The following ST3GAL1 variants were observed in gnomAD, a reference collection of about 807,000 sequenced individuals.
ST3GAL1 encodes the protein ST3 beta-galactoside alpha-2,3-sialyltransferase 1.
ST3GAL1 carries 16 observed loss-of-function variants against 34.1 expected under a neutral mutation model. The ratio of observed to expected loss-of-function variants is 0.47; its 90% CI spans 0.32 to 0.71. The LOEUF (loss-of-function observed/expected upper bound fraction) is 0.71, where lower values mean the gene tolerates loss of function less well. Ranked by LOEUF, ST3GAL1 falls within the 30% of genes least tolerant of loss-of-function variation. ST3GAL1 has a pLI of 0.04. For synonymous variants in ST3GAL1, 191 were observed against 184.7 expected, an observed-to-expected ratio of 1.03 and a Z score of -0.28; for missense variants, 353 against 447.4, an observed-to-expected ratio of 0.79 and a Z score of 1.90.
intron 2 of ST3GAL1, among the ~76,000 whole-genome samples, chr8:133,499,752 G>A (rs888237202): frequency 2.0e-5 from 3 of 152,104 alleles, no homozygotes; most frequent in African/African-American, 4.8e-5. Context: ...CAAGGAAACC[G>A]AAGCTCGGAG....
chr8:133,540,764 CAT>C (rs1181520968), intron 2 of ST3GAL1, among the ~76,000 whole-genome samples: 4 of 75,254 alleles, frequency 5.3e-5, no homozygotes, highest in Non-Finnish European at 9.2e-5. Flanking sequence ...TATATATAGA[CAT>C]ATATATATAG....
rs1815379570 is a variant in ST3GAL1 at position 133,458,445 on chromosome 8, C to G, written c.*1319G>C. On this transcript the variant is annotated 3_prime_UTR_variant, in exon 10 of 10. Transcript: ENST00000522652. Reference sequence around the variant, plus strand: ...CCAGTGACAGCCCCAAGATGGCCAGCAGGGACTTGACCCTGAGCTCAGGCC... The same window carrying G: ...CCAGTGACAGCCCCAAGATGGCCAGGAGGGACTTGACCCTGAGCTCAGGCC... 6.6e-6 allele frequency: 1 copy of G among 152,272 alleles called. No individual in the cohort carries two copies. Among genetic ancestry groups the G allele is most frequent in the Non-Finnish European group, 1.5e-5 (1 of 68,082 alleles). The allele number at this position is 152,272 out of a possible 1,614,324, so 9.4% of individuals were successfully genotyped here.
At chr8:133,539,622 T>A (rs1361427975) in intron 2 of ST3GAL1, 1 of 152,184 alleles carries the variant, frequency 6.6e-6, no homozygotes, top group Admixed American at 6.5e-5. Flanking sequence ...ATCGGCCAGT[T>A]ATGGTGGCTC....
intron 2 of ST3GAL1, among the ~76,000 whole-genome samples, chr8:133,542,452 A>G (rs189133925): frequency 3.3e-4 from 51 of 152,346 alleles, no homozygotes; most frequent in Non-Finnish European, 5.9e-4. Context: ...TATTGAATAA[A>G]GTTAAAATCT....
Position 133,463,270 on chromosome 8 carries a change from C to T in ST3GAL1, c.729+144G>A. The T allele has an allele frequency of 3.4e-6, 3 of 892,538 alleles. No individual in the cohort carries two copies. In the Admixed American group the frequency reaches 6.7e-5, roughly 20 times the overall value. 55.3% of individuals were successfully genotyped at this position (892,538 alleles called of 1,614,324 possible). ...CTCTCCCAGTGTTTGACCTCTTCCCCCAGGGGGATAGCTAAGTGGGAGATG... is the reference window on the plus strand; with the variant it reads ...CTCTCCCAGTGTTTGACCTCTTCCCTCAGGGGGATAGCTAAGTGGGAGATG... On this transcript the variant is annotated intron_variant, in intron 8 of 9. Coordinates refer to ENST00000522652, the MANE Select transcript of ST3GAL1 (RefSeq NM_173344.3).
chr8:133,459,626 T>A lies in ST3GAL1; in HGVS notation c.*138A>T. ...TGAGTAGATGCTGCCAACGGCTGGG[T>A]GCAAGAGGCTGTGAGCGGTGCCCAG... On this transcript the variant is annotated 3_prime_UTR_variant, in exon 10 of 10. Transcript: ENST00000522652. This position sits in a 1 kb window ranked among gnomAD's most constrained non-coding sequence, Gnocchi z 4.7. 1 of 1,118,090 alleles carries A rather than the reference T, an allele frequency of 8.9e-7. No individual in the cohort carries two copies. 69.3% of individuals were successfully genotyped at this position (1,118,090 alleles called of 1,614,324 possible).
Position 133,459,690 on chromosome 8 carries a change from A to G in ST3GAL1, c.*74T>C. ...GCTGCCCCTCCAAGCTCCGGGATGG[A>G]ACGGCTCCAGCAAGATGCTGGGGCT... On this transcript the variant is annotated 3_prime_UTR_variant, in exon 10 of 10. Transcript: ENST00000522652. This position sits in a 1 kb window ranked among gnomAD's most constrained non-coding sequence, Gnocchi z 4.7. 1 of 1,526,036 alleles carries G rather than the reference A, an allele frequency of 6.6e-7. No homozygotes were observed. Among genetic ancestry groups the G allele is most frequent in the Non-Finnish European group, 8.8e-7 (1 of 1,131,108 alleles). 94.5% of individuals were successfully genotyped at this position (1,526,036 alleles called of 1,614,324 possible). A position where few individuals can be genotyped will look rare whatever the true frequency, so the allele number is the denominator to read the frequency against.
intron 1 of ST3GAL1, among the ~76,000 whole-genome samples, chr8:133,547,565 CT>C (rs1194280401): frequency 1.3e-5 from 2 of 152,196 alleles, no homozygotes; most frequent in African/African-American, 2.4e-5. Flanking sequence ...AGGTAGCCCC[CT>C]GGAGGATAAT....
intron 1 of ST3GAL1, among the ~76,000 whole-genome samples, chr8:133,555,051 T>A (rs1397007839): frequency 6.6e-6 from 1 of 152,056 alleles, no homozygotes; most frequent in Non-Finnish European, 1.5e-5. Context: ...TACTTCACTC[T>A]GAGGGCTGGG....
intron 8 of ST3GAL1, 21 bp from the exon 9 acceptor site, chr8:133,462,015 G>C: frequency 6.2e-7 from 1 of 1,613,812 alleles, no homozygotes; most frequent in South Asian, 1.1e-5. Flanking sequence ...GGGAAGACAC[G>C]GCCCTTAGTG....
Position 133,455,503 on chromosome 8 carries a change from C to A in ST3GAL1, c.*4261G>T, listed in dbSNP as rs1172082336. On this transcript the variant is annotated 3_prime_UTR_variant, in exon 10 of 10. Coordinates refer to ENST00000522652, the MANE Select transcript of ST3GAL1 (RefSeq NM_173344.3). ...AGGTAGCACCCCAGGGGTGCAGGAG[C>A]TGGTGTTTTCATGACAAACAAAAAT... is the stretch of plus-strand genomic sequence containing the variant. 6.6e-6 allele frequency: 1 copy of A among 152,254 alleles called. No individual in the cohort carries two copies. The highest frequency in any genetic ancestry group is 1.5e-5 in the Non-Finnish European group (1 of 68,092). 9.4% of individuals were successfully genotyped at this position (152,254 alleles called of 1,614,324 possible).
At chr8:133,532,862 G>A (rs762658592) in intron 2 of ST3GAL1, among the ~76,000 whole-genome samples, 7 of 152,218 alleles carry the variant, frequency 4.6e-5, no homozygotes, top group African/African-American at 7.2e-5. Flanking sequence ...CCTCCCCAGC[G>A]TGGAGGGGGT....
intron 1 of ST3GAL1, among the ~76,000 whole-genome samples, chr8:133,558,890 G>C (rs1052789935): frequency 8.5e-5 from 13 of 152,068 alleles, no homozygotes; most frequent in African/African-American, 2.9e-4. Flanking sequence ...TTCCCGGCCG[G>C]GACCACTGTG....
At chr8:133,528,036 G>A (rs1818029241) in intron 2 of ST3GAL1, among the ~76,000 whole-genome samples, 1 of 151,880 alleles carries the variant, frequency 6.6e-6, no homozygotes, top group Non-Finnish European at 1.5e-5. Context: ...TTAGCTGGGT[G>A]TGGTGGCGCA....
At chr8:133,548,148 T>C (rs16904942) in intron 1 of ST3GAL1, among the ~76,000 whole-genome samples, 4,490 of 152,290 alleles carry the variant, frequency 0.029, 203 homozygotes, top group African/African-American at 0.099. Flanking sequence ...CGAAACTCTT[T>C]CTTTTCAGAA....
chr8:133,470,280 G>A (rs895066349), intron 5 of ST3GAL1, among the ~76,000 whole-genome samples: 1 of 152,138 alleles, frequency 6.6e-6, no homozygotes, highest in Non-Finnish European at 1.5e-5. Context: ...TCAGCTGGGC[G>A]TGATGGTGCA....
chr8:133,540,746 C>G (rs5895195), intron 2 of ST3GAL1, among the ~76,000 whole-genome samples: 1 of 49,262 alleles, frequency 2.0e-5, no homozygotes, highest in African/African-American at 1.1e-4. Context: ...TATATATAGA[C>G]ATATATATAT....
intron 3 of ST3GAL1, among the ~76,000 whole-genome samples, chr8:133,497,700 G>A (rs535181240): frequency 1.7e-4 from 26 of 151,782 alleles, no homozygotes; most frequent in East Asian, 5.8e-4. Context: ...CTTGAACTCC[G>A]GACCTCAGGT....
intron 2 of ST3GAL1, among the ~76,000 whole-genome samples, chr8:133,534,279 T>A (rs958333477): frequency 1.3e-5 from 2 of 152,138 alleles, no homozygotes; most frequent in Non-Finnish European, 2.9e-5. Flanking sequence ...ATGCCATTTC[T>A]TCATTGCCAT....
Sources: gnomAD v4.1 joint callset for allele counts (sites outside exome capture counted in the v4.1 genomes callset) on GRCh38, gnomAD v4.1.1 for gene constraint, Gnocchi (gnomAD v3.1) non-coding constraint, MANE v1.5 for transcripts, NCBI Gene and HGNC (gene_info 2026-07-23, HGNC 2026-07-21) for gene names.